The following BACH2 variants were observed in gnomAD, a reference collection of about 807,000 sequenced individuals.
BACH2 encodes the protein BACH transcriptional regulator 2, also known as transcription regulator protein BACH2.
A neutral mutation model predicts 61.8 loss-of-function variants in BACH2; 5 were observed. That is an observed-to-expected ratio of 0.08 (90% CI 0.04 to 0.17). BACH2 has a LOEUF of 0.17. Among genes scored for constraint, BACH2 ranks in the 10% least tolerant of loss-of-function variants. The pLI is 1.00. For missense variants in BACH2, 824 were observed against 1,091.1 expected (o/e 0.76, Z 3.45); for synonymous variants, 446 against 440.1 (o/e 1.01, Z -0.17).
chr6:89,967,421 C>G (rs1232488004), intron 6 of BACH2, among the ~76,000 whole-genome samples: 3 of 152,132 alleles, frequency 2.0e-5, no homozygotes, highest in African/African-American at 7.2e-5. Flanking sequence ...CTACAGCATC[C>G]CGGGTGTTCC....
In BACH2 at chr6:90,165,241, A is replaced by T. The variant is rs144039216; in HGVS notation, c.-162+41328T>A. Among the ~76,000 whole-genome samples the T allele has an allele frequency of 9.8e-3, 1,500 of 152,322 alleles. 21 individuals carry two copies. Among genetic ancestry groups the T allele is most frequent in the African/African-American group, 0.028 (1,147 of 41,562 alleles). On this transcript the variant is annotated intron_variant, in intron 4 of 8. Coordinates refer to ENST00000257749, the MANE Select transcript of BACH2 (RefSeq NM_021813.4). ...TCTCAGGATATAAAATCAATGTACAAAAATCACAAGCATTCTTATACACCA... is the reference window on the plus strand; with the variant it reads ...TCTCAGGATATAAAATCAATGTACATAAATCACAAGCATTCTTATACACCA...
At chr6:90,011,932 A>ATATG (rs764546078) in intron 5 of BACH2, among the ~76,000 whole-genome samples, 28 of 114,296 alleles carry the variant, frequency 2.4e-4, no homozygotes, top group African/African-American at 8.9e-4. Flanking sequence ...AAAAAAAAAT[A>ATATG]TGTGTGTGTG....
At chr6:90,012,754 C>T (rs190129634) in intron 5 of BACH2, among the ~76,000 whole-genome samples, 23 of 152,018 alleles carry the variant, frequency 1.5e-4, no homozygotes, top group African/African-American at 4.8e-4. Context: ...CAACCTCCAC[C>T]TCCTGGGTTC....
chr6:90,125,925 C>G (rs1295232428), intron 4 of BACH2, among the ~76,000 whole-genome samples: 1 of 152,224 alleles, frequency 6.6e-6, no homozygotes, highest in Admixed American at 6.5e-5. Flanking sequence ...TGAATTGAGA[C>G]AAATCAGTCA....
At position 90,251,736 on chromosome 6, in the gene BACH2, A is replaced by G. The variant is rs4707610; in HGVS notation, c.-275+777T>C. Among the ~76,000 whole-genome samples the G allele has an allele frequency of 2.3e-3, 346 of 152,288 alleles. 6 individuals are homozygous for G. The East Asian group carries it at 0.035, about 16-fold the overall frequency. ...CCCTCAGCATGATATACTTCACAGGATGGAAGTAAAAGCTTCTAATAGGAG... is the reference window on the plus strand; with the variant it reads ...CCCTCAGCATGATATACTTCACAGGGTGGAAGTAAAAGCTTCTAATAGGAG... On this transcript the variant is annotated intron_variant, in intron 3 of 8. Transcript: ENST00000257749.
intron 4 of BACH2, among the ~76,000 whole-genome samples, chr6:90,104,691 T>C (rs1408163195): frequency 6.6e-6 from 1 of 152,172 alleles, no homozygotes; most frequent in Non-Finnish European, 1.5e-5. Flanking sequence ...TTCCTCCCTT[T>C]GGTGGGCTAC....
chr6:90,286,128 T>G (rs1772009443), intron 1 of BACH2, among the ~76,000 whole-genome samples: 1 of 152,234 alleles, frequency 6.6e-6, no homozygotes, highest in African/African-American at 2.4e-5. Flanking sequence ...GGTTTTAATT[T>G]TAACTAGATT....
intron 5 of BACH2, among the ~76,000 whole-genome samples, chr6:90,047,990 A>T (rs1055168859): frequency 1.3e-5 from 2 of 152,220 alleles, no homozygotes; most frequent in African/African-American, 2.4e-5. Flanking sequence ...TGTCTAGATG[A>T]TAAGAGGCCT....
At chr6:90,226,099 T>C (rs924310392) in intron 3 of BACH2, among the ~76,000 whole-genome samples, 2 of 152,024 alleles carry the variant, frequency 1.3e-5, no homozygotes, top group East Asian at 1.9e-4. Flanking sequence ...TAGGAGTGGG[T>C]CTAGGATGTT....
intron 4 of BACH2, among the ~76,000 whole-genome samples, chr6:90,179,062 G>C (rs918704615): frequency 9.9e-5 from 15 of 152,104 alleles, no homozygotes; most frequent in Non-Finnish European, 1.8e-4. Context: ...AGCACTACAT[G>C]AACTGCCCCG....
chr6:90,249,852 C>T (rs1289597864), intron 3 of BACH2, among the ~76,000 whole-genome samples: 1 of 152,082 alleles, frequency 6.6e-6, no homozygotes, highest in African/African-American at 2.4e-5. Flanking sequence ...AAAACCCTAC[C>T]AAGAATTTGT....
rs779639790 is a variant in BACH2, at chr6:90,062,538, G to A, written c.-13+26423C>T. Among the ~76,000 whole-genome samples the A allele has an allele frequency of 2.0e-3, 303 of 152,268 alleles. 2 individuals carry two copies. Among genetic ancestry groups the A allele is most frequent in the Non-Finnish European group, 3.3e-3 (222 of 68,018 alleles). ...TTCTAGGATGCTGTCACAATGCCAC[G>A]TATTTAGCACAAATAGCAATTTCCT... On this transcript the variant is annotated intron_variant, in intron 5 of 8. Coordinates refer to ENST00000257749, the MANE Select transcript of BACH2 (RefSeq NM_021813.4).
intron 2 of BACH2, among the ~76,000 whole-genome samples, chr6:90,261,664 G>A (rs925398482): frequency 1.3e-5 from 2 of 152,054 alleles, no homozygotes; most frequent in African/African-American, 4.8e-5. Flanking sequence ...TCCTTCTAAA[G>A]CTTCTTTTTA....
At chr6:89,990,314 G>A (rs1776474130) in intron 6 of BACH2, among the ~76,000 whole-genome samples, 1 of 152,182 alleles carries the variant, frequency 6.6e-6, no homozygotes, top group Admixed American at 6.5e-5. Flanking sequence ...TATTGAAAGA[G>A]TTTTTGTAAG....
chr6:90,044,047 A>G (rs1250993679), intron 5 of BACH2, among the ~76,000 whole-genome samples: 1 of 152,222 alleles, frequency 6.6e-6, no homozygotes, highest in Non-Finnish European at 1.5e-5. Context: ...GATGCCATGT[A>G]CTGTTCTAGG....
At chr6:90,296,153 C>G (rs1772369529) in intron 1 of BACH2, among the ~76,000 whole-genome samples, 1 of 152,122 alleles carries the variant, frequency 6.6e-6, no homozygotes, top group African/African-American at 2.4e-5. Flanking sequence ...TTATTACTCT[C>G]TGCTCCTCCT....
At chr6:90,138,417 C>A (rs569688546) in intron 4 of BACH2, among the ~76,000 whole-genome samples, 1 of 152,062 alleles carries the variant, frequency 6.6e-6, no homozygotes, top group African/African-American at 2.4e-5. Flanking sequence ...GCAGAAGAAT[C>A]GCCTGTGGGA....
chr6:89,957,116 C>T (rs1292781741), intron 6 of BACH2, among the ~76,000 whole-genome samples: 1 of 152,216 alleles, frequency 6.6e-6, no homozygotes, highest in African/African-American at 2.4e-5. Context: ...GACAACCCCT[C>T]TGGGTTGTAT....
chr6:90,286,789 A>G (rs1017591330), intron 1 of BACH2, among the ~76,000 whole-genome samples: 1 of 152,152 alleles, frequency 6.6e-6, no homozygotes, highest in Non-Finnish European at 1.5e-5. Flanking sequence ...AAAAATCTTT[A>G]TACTTACCGG....
Sources: gnomAD v4.1 joint callset for allele counts (sites outside exome capture counted in the v4.1 genomes callset) on GRCh38, gnomAD v4.1.1 for gene constraint, MANE v1.5 for transcripts, NCBI Gene and HGNC (gene_info 2026-07-23, HGNC 2026-07-21) for gene names.